The following ITPR2 variants were observed in gnomAD, a reference collection of about 807,000 sequenced individuals.
ITPR2 encodes inositol 1,4,5-trisphosphate-gated calcium channel ITPR2.
In ITPR2, 207 loss-of-function variants were observed where a neutral mutation model predicts 317.1. That is an observed-to-expected ratio of 0.65 (90% CI 0.58 to 0.73). The LOEUF (loss-of-function observed/expected upper bound fraction) is 0.73, where lower values mean the gene tolerates loss of function less well. ITPR2 is among the 30% of genes least tolerant of loss of function. The pLI is 0.00. For missense variants in ITPR2, 2,613 were observed against 3,284.0 expected (o/e 0.80, Z 4.99); for synonymous variants, 1,156 against 1,149.1 (o/e 1.01, Z -0.12).
intron 1 of ITPR2, among the ~76,000 whole-genome samples, chr12:26,825,283 T>G (rs954326641): frequency 2.0e-5 from 3 of 152,140 alleles, no homozygotes; most frequent in African/African-American, 7.2e-5. Context: ...GAACGATCAT[T>G]AAAATTTCAT....
intron 37 of ITPR2, among the ~76,000 whole-genome samples, chr12:26,514,374 T>C (rs776245017): frequency 6.6e-6 from 1 of 152,250 alleles, no homozygotes; most frequent in Non-Finnish European, 1.5e-5. Flanking sequence ...GAGTATTTAC[T>C]GCAGTCATGA....
chr12:26,560,061 G>C (rs1191739504), intron 35 of ITPR2, among the ~76,000 whole-genome samples: 1 of 152,184 alleles, frequency 6.6e-6, no homozygotes. Context: ...ACAGTGGCTA[G>C]CATAGAATTT....
At chr12:26,759,775 G>A (rs1949596408) in intron 2 of ITPR2, among the ~76,000 whole-genome samples, 1 of 152,132 alleles carries the variant, frequency 6.6e-6, no homozygotes, top group African/African-American at 2.4e-5. Flanking sequence ...AGTGATTAGT[G>A]ACAACTCTTC....
intron 2 of ITPR2, among the ~76,000 whole-genome samples, chr12:26,786,396 G>T: frequency 8.3e-6 from 1 of 119,838 alleles, no homozygotes; most frequent in Non-Finnish European, 1.6e-5. Context: ...CTCCACTATT[G>T]TCCTATGACC....
intron 1 of ITPR2, among the ~76,000 whole-genome samples, chr12:26,807,517 T>C (rs1950659745): frequency 6.6e-6 from 1 of 152,226 alleles, no homozygotes; most frequent in Admixed American, 6.5e-5. Flanking sequence ...ATGTCATATG[T>C]GGGGAATCCA....
chr12:26,655,244 G>A (rs1351358128), intron 20 of ITPR2, among the ~76,000 whole-genome samples: 1 of 152,116 alleles, frequency 6.6e-6, no homozygotes, highest in Non-Finnish European at 1.5e-5. Context: ...AAAAAATCAA[G>A]GGAAATAGTA....
intron 2 of ITPR2, among the ~76,000 whole-genome samples, chr12:26,740,707 C>G (rs544439871): frequency 6.6e-6 from 1 of 152,110 alleles, no homozygotes; most frequent in African/African-American, 2.4e-5. Context: ...TTTATTACTT[C>G]GGTAAAAATT....
intron 37 of ITPR2, among the ~76,000 whole-genome samples, chr12:26,548,010 T>C (rs530360129): frequency 1.3e-5 from 2 of 152,338 alleles, no homozygotes; most frequent in South Asian, 4.1e-4. Context: ...GTTCTAGCTC[T>C]TGCTGTGTAA....
intron 9 of ITPR2, among the ~76,000 whole-genome samples, chr12:26,697,120 T>C (rs548210828): frequency 2.6e-5 from 4 of 152,294 alleles, no homozygotes; most frequent in East Asian, 1.9e-4. Context: ...ATAGAATCCA[T>C]AGAGTCGATG....
At chr12:26,777,566 C>G (rs1433855043) in intron 2 of ITPR2, among the ~76,000 whole-genome samples, 1 of 152,162 alleles carries the variant, frequency 6.6e-6, no homozygotes, top group Non-Finnish European at 1.5e-5. Flanking sequence ...TAGTCTGACT[C>G]GTGTAGAGCT....
chr12:26,453,209 T>G (rs1390851687), intron 45 of ITPR2, among the ~76,000 whole-genome samples: 2 of 152,194 alleles, frequency 1.3e-5, no homozygotes, highest in African/African-American at 4.8e-5. Flanking sequence ...CTTGCTATTT[T>G]GTATTTTTCA....
intron 30 of ITPR2, 87 bp from the exon 31 acceptor site, chr12:26,597,221 GTA>G: frequency 1.5e-6 from 2 of 1,364,106 alleles, no homozygotes; most frequent in Non-Finnish European, 1.0e-6. Flanking sequence ...CTGGAAACAC[GTA>G]TATCTCTTCG....
intron 1 of ITPR2, among the ~76,000 whole-genome samples, chr12:26,811,735 T>A (rs1950753351): frequency 1.4e-5 from 2 of 142,612 alleles, no homozygotes; most frequent in African/African-American, 2.7e-5. Flanking sequence ...GTACCTGTAG[T>A]CCCAGCTGCT....
intron 37 of ITPR2, among the ~76,000 whole-genome samples, chr12:26,517,152 T>C (rs1009587041): frequency 6.6e-6 from 1 of 152,072 alleles, no homozygotes; most frequent in Admixed American, 6.5e-5. Flanking sequence ...CTAAAGAGAA[T>C]TTCTGAAAAA....
At position 26,708,080 on chromosome 12, in the gene ITPR2, T is replaced by C. The variant is rs1417533091; in HGVS notation, c.951+3093A>G. Among the ~76,000 whole-genome samples the C allele has an allele frequency of 2.0e-5, 3 of 152,126 alleles. No individual in the cohort carries two copies. The East Asian group carries it at 5.8e-4, about 29-fold the overall frequency. On this transcript the variant is annotated intron_variant, in intron 9 of 56. Transcript: ENST00000381340. Reference sequence around the variant, plus strand: ...CTCACCCCGTTTAAAATGACTATTATCCAAAAGAAAGGCAATAACAAATGC... The same window carrying C: ...CTCACCCCGTTTAAAATGACTATTACCCAAAAGAAAGGCAATAACAAATGC...
intron 45 of ITPR2, among the ~76,000 whole-genome samples, chr12:26,472,517 C>A (rs1259510805): frequency 1.3e-5 from 2 of 151,790 alleles, no homozygotes; most frequent in Non-Finnish European, 2.9e-5. Context: ...TTCGATATAT[C>A]CACCCCAATC....
intron 9 of ITPR2, among the ~76,000 whole-genome samples, chr12:26,706,578 T>C (rs1948556681): frequency 6.6e-6 from 1 of 152,178 alleles, no homozygotes; most frequent in Non-Finnish European, 1.5e-5. Flanking sequence ...GCAACCTCTC[T>C]GACCCCCTGA....
chr12:26,488,418 C>A (rs1942721672), intron 39 of ITPR2, among the ~76,000 whole-genome samples: 1 of 152,006 alleles, frequency 6.6e-6, no homozygotes, highest in South Asian at 2.1e-4. Context: ...ACCCACAGGT[C>A]TTGGGATCTG....
At chr12:26,668,535 T>C (rs559601835) in intron 13 of ITPR2, among the ~76,000 whole-genome samples, 2 of 152,034 alleles carry the variant, frequency 1.3e-5, no homozygotes, top group East Asian at 3.9e-4. Flanking sequence ...GACAAGTGAA[T>C]GTAGAGAAAG....
Sources: gnomAD v4.1 joint callset for allele counts (sites outside exome capture counted in the v4.1 genomes callset) on GRCh38, gnomAD v4.1.1 for gene constraint, MANE v1.5 for transcripts, NCBI Gene and HGNC (gene_info 2026-07-23, HGNC 2026-07-21) for gene names.